GRIN2A: variants seen among roughly 807,000 people sequenced by gnomAD.
GRIN2A encodes the protein glutamate receptor ionotropic, NMDA 2A.
Under a neutral mutation model 113.4 loss-of-function variants are expected in GRIN2A, and 22 were observed. The observed-to-expected ratio is 0.19, with a 90% CI of 0.14 to 0.28. The LOEUF (loss-of-function observed/expected upper bound fraction) is 0.28. Ranked by LOEUF, GRIN2A falls within the 10% of genes least tolerant of loss-of-function variation. The pLI, the probability that GRIN2A is intolerant of heterozygous loss-of-function variation, is 1.00. For synonymous variants in GRIN2A, 827 were observed against 738.4 expected, an observed-to-expected ratio of 1.12 and a Z score of -1.94; for missense variants, 1,502 against 1,887.0, an observed-to-expected ratio of 0.80 and a Z score of 3.78.
intron 2 of GRIN2A, among the ~76,000 whole-genome samples, chr16:10,174,840 GAA>G (rs142412213): frequency 7.3e-6 from 1 of 137,218 alleles, no homozygotes; most frequent in African/African-American, 2.7e-5. Context: ...CAGAGAACTG[GAA>G]AAAAAAAAAA....
At chr16:9,898,240 T>C (rs1228602363) in intron 3 of GRIN2A, among the ~76,000 whole-genome samples, 1 of 152,082 alleles carries the variant, frequency 6.6e-6, no homozygotes, top group Non-Finnish European at 1.5e-5. Flanking sequence ...TTTCACTCTT[T>C]TTCCACCCTG....
intron 11 of GRIN2A, among the ~76,000 whole-genome samples, chr16:9,782,700 A>G (rs1279061391): frequency 6.6e-6 from 1 of 152,216 alleles, no homozygotes; most frequent in Non-Finnish European, 1.5e-5. Context: ...GATAACAGAC[A>G]CTAAGATTCT....
chr16:10,028,662 C>T (rs1346249413), intron 2 of GRIN2A, among the ~76,000 whole-genome samples: 1 of 152,164 alleles, frequency 6.6e-6, no homozygotes, highest in Non-Finnish European at 1.5e-5. Context: ...ACCATTGGAC[C>T]ATCAGGTTAG....
At position 10,004,790 on chromosome 16, in the gene GRIN2A, C is replaced by A. The variant is rs563028416; in HGVS notation, c.415-66239G>T. Among the ~76,000 whole-genome samples the A allele has an allele frequency of 2.6e-5, 4 of 152,250 alleles. No homozygotes were observed. In the East Asian group the frequency reaches 7.7e-4, roughly 29 times the overall value. ...CCACTTGGATAATACAGGAAAATCT[C>A]CCCATATCAAGATGCTTAACTTAAT... On this transcript the variant is annotated intron_variant, in intron 2 of 12. Coordinates refer to ENST00000330684, the MANE Select transcript of GRIN2A (RefSeq NM_001134407.3).
intron 2 of GRIN2A, among the ~76,000 whole-genome samples, chr16:10,007,598 G>C (rs2046427860): frequency 6.6e-6 from 1 of 151,964 alleles, no homozygotes; most frequent in Admixed American, 6.6e-5. Context: ...TCGCTTTCTT[G>C]ACCGTTTGCT....
At chr16:9,773,736 C>T (rs1464294259) in intron 11 of GRIN2A, among the ~76,000 whole-genome samples, 1 of 152,188 alleles carries the variant, frequency 6.6e-6, no homozygotes, top group Non-Finnish European at 1.5e-5. Context: ...GGAACTTGCA[C>T]CTGTTCTTCC....
chr16:9,938,233 AGCG>A lies in GRIN2A; in HGVS notation c.730_732del (p.Arg244del), dbSNP rs1567187569. ...AAATCATACCCGGTGAGGCCAAGGG[AGCG>A]GGCCTCACTCAGAATGAGAACAGCC... On this transcript the variant is annotated inframe_deletion, in exon 3 of 13. Coordinates refer to ENST00000330684, the MANE Select transcript of GRIN2A (RefSeq NM_001134407.3). 1 of 1,613,376 alleles carries A rather than the reference AGCG, an allele frequency of 6.2e-7. No homozygotes were observed. Among genetic ancestry groups the A allele is most frequent in the Middle Eastern group, 1.7e-4 (1 of 6,058 alleles).
chr16:10,023,025 A>C (rs950095781), intron 2 of GRIN2A, among the ~76,000 whole-genome samples: 1 of 152,208 alleles, frequency 6.6e-6, no homozygotes, highest in Non-Finnish European at 1.5e-5. Context: ...AATCAGGGGG[A>C]TATAGCTTAA....
At chr16:9,792,079 TTGTGTGTGTGTG>T (rs71400495) in intron 11 of GRIN2A, among the ~76,000 whole-genome samples, 3 of 112,256 alleles carry the variant, frequency 2.7e-5, no homozygotes, top group Non-Finnish European at 3.7e-5. Context: ...TGAAGTAAAA[TTGTGTGTGTGTG>T]TGTGTGTGTG....
intron 3 of GRIN2A, among the ~76,000 whole-genome samples, chr16:9,902,795 C>G (rs573420482): frequency 5.3e-4 from 81 of 152,076 alleles, no homozygotes; most frequent in Admixed American, 1.2e-3. Flanking sequence ...AACCCCATCT[C>G]TTAGTATATG....
chr16:10,044,177 C>A (rs11074550), intron 2 of GRIN2A, among the ~76,000 whole-genome samples: 48,303 of 151,124 alleles, frequency 0.32, 8,174 homozygotes, highest in East Asian at 0.53. Context: ...CTCCCGCCTC[C>A]GTCTCGCCAC....
intron 4 of GRIN2A, among the ~76,000 whole-genome samples, chr16:9,886,029 G>A (rs1438400296): frequency 2.0e-5 from 3 of 152,252 alleles, no homozygotes; most frequent in African/African-American, 7.2e-5. Flanking sequence ...CTGCACTGCA[G>A]TGGCCTCCTT....
At chr16:10,152,968 A>AT (rs538193632) in intron 2 of GRIN2A, among the ~76,000 whole-genome samples, 16 of 152,048 alleles carry the variant, frequency 1.1e-4, no homozygotes, top group Admixed American at 2.0e-4. Context: ...AACATAGATG[A>AT]TTTTTTTTCA....
intron 2 of GRIN2A, among the ~76,000 whole-genome samples, chr16:10,073,979 T>G (rs143232634): frequency 6.7e-6 from 1 of 149,208 alleles, no homozygotes; most frequent in Non-Finnish European, 1.5e-5. Flanking sequence ...AAATTATATA[T>G]CTCATAAAAG....
At chr16:9,895,395 A>G (rs891653644) in intron 3 of GRIN2A, among the ~76,000 whole-genome samples, 7 of 152,290 alleles carry the variant, frequency 4.6e-5, no homozygotes, top group African/African-American at 1.7e-4. Context: ...AGTTCACAAT[A>G]AGTTGGGGGC....
chr16:9,902,494 C>T lies in GRIN2A; in HGVS notation c.1008-11394G>A, dbSNP rs996870339. On this transcript the variant is annotated intron_variant, in intron 3 of 12. Coordinates refer to ENST00000330684, the MANE Select transcript of GRIN2A (RefSeq NM_001134407.3). ...GACAACCTTTGCACAAGAAAGAATTCAATGCCTATCTTCTTTAAGCTACTT... is the reference window on the plus strand; with the variant it reads ...GACAACCTTTGCACAAGAAAGAATTTAATGCCTATCTTCTTTAAGCTACTT... 2.6e-5 allele frequency among the ~76,000 whole-genome samples: 4 copies of T among 152,218 alleles called. No homozygotes were observed. The East Asian group carries it at 7.7e-4, about 29-fold the overall frequency.
chr16:10,145,433 C>A (rs2049419245), intron 2 of GRIN2A, among the ~76,000 whole-genome samples: 1 of 151,958 alleles, frequency 6.6e-6, no homozygotes, highest in African/African-American at 2.4e-5. Context: ...CAGGCACATG[C>A]ATACATCCAA....
chr16:10,096,405 G>GTA (rs2048289671), intron 2 of GRIN2A, among the ~76,000 whole-genome samples: 1 of 152,114 alleles, frequency 6.6e-6, no homozygotes, highest in Admixed American at 6.6e-5. Flanking sequence ...CTTCGGTGGT[G>GTA]TACCGGCAAC....
At position 9,985,879 on chromosome 16, in the gene GRIN2A, G is replaced by C. The variant is rs140267057; in HGVS notation, c.415-47328C>G. On this transcript the variant is annotated intron_variant, in intron 2 of 12. Transcript: ENST00000330684. ...ACACAAAGAAAGGGTAAATGCTTGA[G>C]GTGATGGATACCCCATCTACTCTGA... is the stretch of plus-strand genomic sequence containing the variant. Among the ~76,000 whole-genome samples the C allele has an allele frequency of 7.5e-3, 1,141 of 152,248 alleles. 17 individuals carry two copies. The highest frequency in any genetic ancestry group is 0.025 in the African/African-American group (1,058 of 41,552).
Sources: allele counts gnomAD v4.1 joint callset (sites outside exome capture counted in the v4.1 genomes callset), GRCh38; gene constraint gnomAD v4.1.1; transcripts MANE v1.5; gene names NCBI Gene and HGNC (gene_info 2026-07-23, HGNC 2026-07-21).